CCDC171: variants seen among roughly 807,000 people sequenced by gnomAD.
CCDC171 encodes the protein coiled-coil domain containing 171, also known as coiled-coil domain-containing protein 171.
In CCDC171, 177 loss-of-function variants were observed where a neutral mutation model predicts 168.2. The ratio of observed to expected loss-of-function variants is 1.05; its 90% CI spans 0.93 to 1.19. CCDC171 has a LOEUF of 1.19. CCDC171 is among the 50% of genes most tolerant of loss of function. The pLI is 0.00. For synonymous variants in CCDC171, 687 were observed against 540.8 expected (o/e 1.27, Z -3.75); for missense variants, 1,991 against 1,539.0 (o/e 1.29, Z -4.91).
At chr9:15,910,237 G>C (rs1208663325) in intron 24 of CCDC171, among the ~76,000 whole-genome samples, 1 of 151,978 alleles carries the variant, frequency 6.6e-6, no homozygotes, top group African/African-American at 2.4e-5. Flanking sequence ...TTGACGGACA[G>C]TTAGGTTGAC....
intron 3 of CCDC171, among the ~76,000 whole-genome samples, chr9:16,006,339 G>A (rs1832694941): frequency 6.6e-6 from 1 of 152,124 alleles, no homozygotes; most frequent in African/African-American, 2.4e-5. Flanking sequence ...GCATTTCCCT[G>A]ATAATTAATG....
intron 7 of CCDC171, among the ~76,000 whole-genome samples, chr9:15,644,413 C>T (rs1392631926): frequency 6.6e-6 from 1 of 152,066 alleles, no homozygotes; most frequent in Non-Finnish European, 1.5e-5. Flanking sequence ...GTGGGTGCAG[C>T]CCAGTGAGCG....
chr9:15,628,284 G>C (rs886974451), intron 7 of CCDC171, among the ~76,000 whole-genome samples: 1 of 152,136 alleles, frequency 6.6e-6, no homozygotes, highest in African/African-American at 2.4e-5. Context: ...TCAAAGAAAG[G>C]GATGACAGGT....
intron 3 of CCDC171, among the ~76,000 whole-genome samples, chr9:16,009,637 A>G (rs3008724): frequency 0.89 from 136,088 of 152,144 alleles, 61,044 homozygotes; most frequent in Admixed American, 0.92. Flanking sequence ...AGAAAGAACC[A>G]CATACATCAA....
At chr9:16,077,959 C>T in the CCDC171 span, among the ~76,000 whole-genome samples, 1 of 151,858 alleles carries the variant, frequency 6.6e-6, no homozygotes, top group Non-Finnish European at 1.5e-5. Flanking sequence ...ATGAATAAAA[C>T]CTAATATACA....
chr9:15,967,716 G>T (rs1478786690), intron 25 of CCDC171, among the ~76,000 whole-genome samples: 1 of 152,192 alleles, frequency 6.6e-6, no homozygotes, highest in Non-Finnish European at 1.5e-5. Context: ...AGAGTCCACT[G>T]ATCTTCAGTC....
At chr9:15,998,537 T>C (rs1024716694) in intron 3 of CCDC171, among the ~76,000 whole-genome samples, 1 of 152,178 alleles carries the variant, frequency 6.6e-6, no homozygotes, top group Non-Finnish European at 1.5e-5. Context: ...GAGACTAAAC[T>C]ATTAGTCTTT....
chr9:15,621,531 A>G (rs778133287), intron 6 of CCDC171, among the ~76,000 whole-genome samples: 9 of 152,192 alleles, frequency 5.9e-5, no homozygotes, highest in Non-Finnish European at 1.0e-4. Flanking sequence ...CCTGCTATAG[A>G]ATAGTAATCT....
intron 3 of CCDC171, among the ~76,000 whole-genome samples, chr9:16,012,026 T>C (rs1241409093): frequency 6.6e-6 from 1 of 152,204 alleles, no homozygotes; most frequent in Non-Finnish European, 1.5e-5. Context: ...AATCACTTCA[T>C]TTCTCTGATA....
chr9:15,676,272 G>T (rs560725248), intron 9 of CCDC171, among the ~76,000 whole-genome samples: 28 of 151,996 alleles, frequency 1.8e-4, no homozygotes, highest in Non-Finnish European at 3.5e-4. Context: ...TTAGCCGTTC[G>T]CCTGACCTTT....
At chr9:15,913,331 A>G (rs1012264538) in intron 24 of CCDC171, among the ~76,000 whole-genome samples, 4 of 152,134 alleles carry the variant, frequency 2.6e-5, no homozygotes, top group African/African-American at 9.7e-5. Flanking sequence ...TATTTATAGT[A>G]TTCTCTGATG....
chr9:15,878,442 C>T (rs1333745082), intron 24 of CCDC171, among the ~76,000 whole-genome samples: 5 of 151,818 alleles, frequency 3.3e-5, no homozygotes, highest in Non-Finnish European at 5.9e-5. Flanking sequence ...CATCTCACAC[C>T]AGTCAAAATG....
intron 20 of CCDC171, among the ~76,000 whole-genome samples, chr9:15,780,735 T>G (rs993043202): frequency 2.0e-5 from 3 of 152,224 alleles, no homozygotes; most frequent in African/African-American, 7.2e-5. Context: ...TATACATGTA[T>G]GCACTTAAAG....
intron 3 of CCDC171, among the ~76,000 whole-genome samples, chr9:15,994,660 C>CA: frequency 6.6e-6 from 1 of 152,276 alleles, no homozygotes; most frequent in East Asian, 1.9e-4. Flanking sequence ...TGCTCTAGTC[C>CA]TTCAGTAAGC....
chr9:16,070,932 G>T, the CCDC171 span, among the ~76,000 whole-genome samples: 2 of 152,190 alleles, frequency 1.3e-5, no homozygotes, highest in Admixed American at 6.5e-5. Context: ...TGTGACCCAG[G>T]CCTGACTAGA....
At chr9:15,890,318 A>G (rs1221842280) in intron 24 of CCDC171, among the ~76,000 whole-genome samples, 5 of 152,138 alleles carry the variant, frequency 3.3e-5, no homozygotes, top group South Asian at 4.1e-4. Flanking sequence ...TTGCTGGGTG[A>G]TTAGGAGAGG....
intron 25 of CCDC171, among the ~76,000 whole-genome samples, chr9:15,969,107 G>T (rs558444876): frequency 1.3e-4 from 20 of 152,228 alleles, no homozygotes; most frequent in African/African-American, 4.3e-4. Flanking sequence ...AGAAAATAGT[G>T]TGCAAAAAGT....
chr9:15,800,330 A>T (rs1318156184), intron 21 of CCDC171, among the ~76,000 whole-genome samples: 1 of 152,118 alleles, frequency 6.6e-6, no homozygotes, highest in Non-Finnish European at 1.5e-5. Flanking sequence ...ATGATACCTC[A>T]TTGTAATTTT....
intron 24 of CCDC171, among the ~76,000 whole-genome samples, chr9:15,889,337 C>A (rs922217772): frequency 6.6e-6 from 1 of 152,124 alleles, no homozygotes; most frequent in Admixed American, 6.6e-5. Context: ...CATTATAAAA[C>A]AGGTTCTATG....
Sources: allele counts gnomAD v4.1 joint callset (sites outside exome capture counted in the v4.1 genomes callset), GRCh38; gene constraint gnomAD v4.1.1; transcripts MANE v1.5; gene names NCBI Gene and HGNC (gene_info 2026-07-23, HGNC 2026-07-21).